The following MBD2 variants were observed in gnomAD, a reference collection of about 807,000 sequenced individuals.
The protein encoded by MBD2 is methyl-CpG binding domain protein 2, also known as methyl-CpG-binding domain protein 2.
Under a neutral mutation model 39.3 loss-of-function variants are expected in MBD2, and 9 were observed. The ratio of observed to expected loss-of-function variants is 0.23; its 90% CI spans 0.14 to 0.40. The LOEUF is 0.40. MBD2 is among the 10% of genes least tolerant of loss of function. MBD2 has a pLI of 1.00. For missense variants in MBD2, 458 were observed against 532.6 expected, an observed-to-expected ratio of 0.86 and a Z score of 1.38; for synonymous variants, 233 against 211.1, an observed-to-expected ratio of 1.10 and a Z score of -0.90.
In MBD2 at chr18:54,224,234, C is replaced by CCGCCGT. The variant is rs1004038075; in HGVS notation, c.320_325dup (p.Asp107_Gly108dup). The CCGCCGT allele has an allele frequency of 2.9e-5, 29 of 1,004,840 alleles. No individual in the cohort carries two copies. Among genetic ancestry groups the CCGCCGT allele is most frequent in the African/African-American group, 1.9e-4 (11 of 57,200 alleles). 62.2% of individuals were successfully genotyped at this position (1,004,840 alleles called of 1,614,324 possible). Reference sequence around the variant, plus strand: ...ACCGCTGCCGCCGCCGCCGCAGCCGCCGCCGTCGCCGCCAAGGCCGCTGCC... The same window carrying CCGCCGT: ...ACCGCTGCCGCCGCCGCCGCAGCCGCCGCCGTCGCCGTCGCCGCCAAGGCCGCTGCC... On this transcript the variant is annotated inframe_insertion, in exon 1 of 7. Coordinates refer to ENST00000256429, the MANE Select transcript of MBD2 (RefSeq NM_003927.5).
intron 1 of MBD2, among the ~76,000 whole-genome samples, chr18:54,223,359 CTG>C (rs2086631114): frequency 6.6e-6 from 1 of 152,240 alleles, no homozygotes; most frequent in South Asian, 2.1e-4. Context: ...AGCAGCATCT[CTG>C]GCCTCTACCC....
intron 5 of MBD2, 114 bp from the exon 6 acceptor site, chr18:54,160,017 C>T (rs562429564): frequency 8.1e-7 from 1 of 1,229,218 alleles, no homozygotes; most frequent in East Asian, 2.5e-5. Context: ...GAAGAATAGA[C>T]TTCCTTTTCA....
At chr18:54,222,324 A>T (rs765733097) in intron 1 of MBD2, 3 of 517,424 alleles carry the variant, frequency 5.8e-6, no homozygotes, top group Non-Finnish European at 1.2e-5. Flanking sequence ...GCACAGTCCC[A>T]GGGCAAGGAT....
At chr18:54,195,937 T>A (rs1360652967) in intron 2 of MBD2, among the ~76,000 whole-genome samples, 1 of 152,206 alleles carries the variant, frequency 6.6e-6, no homozygotes, top group Non-Finnish European at 1.5e-5. Flanking sequence ...ATCAAGGCTA[T>A]TCTCAAAAAG....
chr18:54,223,489 T>A (rs2086632055), intron 1 of MBD2, among the ~76,000 whole-genome samples: 1 of 152,214 alleles, frequency 6.6e-6, no homozygotes, highest in Non-Finnish European at 1.5e-5. Flanking sequence ...TAGTACAGTG[T>A]GTCAGTTTCA....
At chr18:54,162,345 C>T (rs900565678) in intron 5 of MBD2, among the ~76,000 whole-genome samples, 2 of 152,196 alleles carry the variant, frequency 1.3e-5, no homozygotes, top group Non-Finnish European at 2.9e-5. Flanking sequence ...GGGTCTTCAG[C>T]TGGAGGTTTA....
chr18:54,195,572 T>C (rs978512385), intron 2 of MBD2, among the ~76,000 whole-genome samples: 2 of 152,068 alleles, frequency 1.3e-5, no homozygotes, highest in Admixed American at 6.6e-5. Flanking sequence ...TTGGATAAAA[T>C]TCTTATAAAA....
chr18:54,194,557 G>GTATATATATATATATATA lies in MBD2; in HGVS notation c.703-5547_703-5546insTATATATATATATATATA, dbSNP rs147119140. Among the ~76,000 whole-genome samples the GTATATATATATATATATA allele has an allele frequency of 1.4e-3, 207 of 148,758 alleles. 1 individual carries two copies. Among genetic ancestry groups the GTATATATATATATATATA allele is most frequent in the African/African-American group, 4.9e-3 (199 of 40,558 alleles). On this transcript the variant is annotated intron_variant, in intron 2 of 6. Transcript: ENST00000256429. The stretch of plus-strand genomic sequence containing the variant: ...ACATATATAGAAGTTGTGTGTGTGT[G>GTATATATATATATATATA]TATATATATATATATGTAGCTTAAT...
chr18:54,221,204 T>C (rs2086608714), intron 1 of MBD2, among the ~76,000 whole-genome samples: 1 of 152,318 alleles, frequency 6.6e-6, no homozygotes, highest in Non-Finnish European at 1.5e-5. Flanking sequence ...ACACCTGTAA[T>C]CCCAGCACTT....
chr18:54,173,336 G>A (rs1230112634), intron 3 of MBD2, among the ~76,000 whole-genome samples: 1 of 152,086 alleles, frequency 6.6e-6, no homozygotes, highest in Non-Finnish European at 1.5e-5. Flanking sequence ...AATTTCAAGG[G>A]TATGGCAGCA....
intron 2 of MBD2, among the ~76,000 whole-genome samples, chr18:54,193,123 C>A (rs1421770267): frequency 6.6e-6 from 1 of 152,206 alleles, no homozygotes; most frequent in East Asian, 1.9e-4. Context: ...ACAGTCAATT[C>A]TATTACCTCT....
intron 3 of MBD2, among the ~76,000 whole-genome samples, chr18:54,178,505 A>G (rs2086227794): frequency 6.6e-6 from 1 of 152,132 alleles, no homozygotes; most frequent in Non-Finnish European, 1.5e-5. Context: ...AAAGAGACTC[A>G]GAAAGCTGGA....
At chr18:54,203,666 T>C (rs1311510532) in intron 2 of MBD2, among the ~76,000 whole-genome samples, 1 of 152,196 alleles carries the variant, frequency 6.6e-6, no homozygotes, top group Non-Finnish European at 1.5e-5. Flanking sequence ...TACTGTAAAC[T>C]GCACAAATTG....
At chr18:54,180,890 A>ATTTTTTTTTTT (rs1568083459) in intron 3 of MBD2, among the ~76,000 whole-genome samples, 32 of 114,578 alleles carry the variant, frequency 2.8e-4, no homozygotes, top group African/African-American at 1.1e-3. Context: ...GTATTCCTTA[A>ATTTTTTTTTTT]TTTTTTCTTT....
In MBD2 at chr18:54,188,985, C is replaced by T; in HGVS notation, c.729G>A (p.Leu243=). The change falls in exon 3 of 7, where the codon TTG becomes TTA. Residue 243 remains leucine, a synonymous_variant. Transcript: ENST00000256429. The part of the protein sequence containing the change: ...NKGKPDLNTT[L]PIRQTASIFK... ...AAATTGATGCTGTTTGTCTAATTGG[C>T]AATGTTGTATTCAAGTCTGGTTTAC... The T allele has an allele frequency of 1.9e-6, 3 of 1,607,900 alleles. No homozygotes were observed. The highest frequency in any genetic ancestry group is 8.5e-7 in the Non-Finnish European group (1 of 1,176,048).
At chr18:54,187,250 A>G (rs1358810861) in intron 3 of MBD2, among the ~76,000 whole-genome samples, 2 of 152,222 alleles carry the variant, frequency 1.3e-5, no homozygotes, top group Non-Finnish European at 2.9e-5. Context: ...ATACTATCTG[A>G]TCTCATAAGG....
chr18:54,179,647 CTAGG>C (rs1326440979), intron 3 of MBD2, among the ~76,000 whole-genome samples: 18 of 152,076 alleles, frequency 1.2e-4, no homozygotes. Flanking sequence ...GATCACTTAA[CTAGG>C]TAGAGGAAAA....
chr18:54,197,194 A>AG (rs1222892142), intron 2 of MBD2, among the ~76,000 whole-genome samples: 1 of 152,196 alleles, frequency 6.6e-6, no homozygotes, highest in East Asian at 1.9e-4. Context: ...CTGGACAAAT[A>AG]CAACAGCTTC....
At chr18:54,183,479 A>C (rs2086264454) in intron 3 of MBD2, among the ~76,000 whole-genome samples, 1 of 152,224 alleles carries the variant, frequency 6.6e-6, no homozygotes, top group Non-Finnish European at 1.5e-5. Flanking sequence ...AAACAAAGAA[A>C]GTGTAGAGTC....
Sources: allele counts gnomAD v4.1 joint callset (sites outside exome capture counted in the v4.1 genomes callset), GRCh38; gene constraint gnomAD v4.1.1; transcripts MANE v1.5; gene names NCBI Gene and HGNC (gene_info 2026-07-23, HGNC 2026-07-21).